The following CDK5R1 variants were observed in gnomAD, a reference collection of about 807,000 sequenced individuals.
CDK5R1 encodes the protein cyclin-dependent kinase 5 activator 1.
A neutral mutation model predicts 19.0 loss-of-function variants in CDK5R1; 1 was observed. The observed-to-expected ratio is 0.05, with a 90% confidence interval of 0.02 to 0.25. The LOEUF (loss-of-function observed/expected upper bound fraction) is 0.25. CDK5R1 is among the 10% of genes least tolerant of loss of function. The pLI is 1.00. For synonymous variants in CDK5R1, 225 were observed against 187.7 expected (o/e 1.20, Z -1.62); for missense variants, 314 against 401.0 (o/e 0.78, Z 1.85).
rs1908723600 is a variant in CDK5R1, at chr17:32,487,675, G to A, written c.55G>A (p.Asp19Asn). The A allele has an allele frequency of 6.2e-7, 1 of 1,613,790 alleles. No individual in the cohort carries two copies. The highest frequency in any genetic ancestry group is 8.5e-7 in the Non-Finnish European group (1 of 1,179,946). ...CTACCGGAAGGCCACGCTGTTTGAG[G>A]ATGGCGCGGCCACCGTGGGCCACTA... is the stretch of plus-strand genomic sequence containing the variant. ...PSYRKATLFE[D>N]GAATVGHYTA... The change falls in exon 2 of 2, where the codon GAT becomes AAT. Residue 19 changes from aspartate to asparagine, a missense_variant. Asp to Asn is a conservative substitution (Grantham distance 23). Transcript: ENST00000313401. This position sits in a 1 kb window ranked among gnomAD's most constrained non-coding sequence, Gnocchi z 7.9.
At position 32,488,163 on chromosome 17, in the gene CDK5R1, G is replaced by C; in HGVS notation, c.543G>C (p.Val181=). 1 of 1,613,776 alleles carries C rather than the reference G, an allele frequency of 6.2e-7. No homozygotes were observed. The highest frequency in any genetic ancestry group is 1.1e-5 in the South Asian group (1 of 91,084). ...PTDPVLWLRS[V]DRSLLLQGWQ... ...ACCCCGTGCTCTGGCTGCGCAGCGT[G>C]GACCGCTCGCTGCTTCTGCAGGGCT... The change falls in exon 2 of 2, where the codon GTG becomes GTC. Residue 181 remains valine (V), a synonymous_variant. Transcript: ENST00000313401.
chr17:32,487,849 A>C lies in CDK5R1; in HGVS notation c.229A>C (p.Asn77His). 1 of 1,614,106 alleles carries C rather than the reference A, an allele frequency of 6.2e-7. No individual in the cohort carries two copies. Among genetic ancestry groups the C allele is most frequent in the Non-Finnish European group, 8.5e-7 (1 of 1,180,026 alleles). ...KVQPNSSYQN[N>H]ITHLNNENLK... ...GCAGCCCAACAGCAGCTACCAGAAC[A>C]ACATCACGCACCTCAACAATGAGAA... Residue 77 changes from asparagine (N) to histidine (H), a missense_variant, in exon 2 of 2, where the codon AAC becomes CAC. Asn to His is a moderately conservative substitution (Grantham distance 68). Around this residue, in one of 3 missense-constraint regions of CDK5R1, gnomAD observed 197 missense variants for 230.2 expected, o/e 0.86. Transcript: ENST00000313401. This position sits in a 1 kb window ranked among gnomAD's most constrained non-coding sequence, Gnocchi z 7.9.
rs1278377098 is a variant in CDK5R1 at position 32,491,026 on chromosome 17, T to G, written c.*2482T>G. On this transcript the variant is annotated 3_prime_UTR_variant, in exon 2 of 2. Coordinates refer to ENST00000313401, the MANE Select transcript of CDK5R1 (RefSeq NM_003885.3). ...TTACACACGTGTGATGTATGTTGGT[T>G]TTTTAGTGCAATTTCTTCTGTAGCT... 6.0e-6 allele frequency: 1 copy of G among 167,114 alleles called. No individual in the cohort carries two copies. Among genetic ancestry groups the G allele is most frequent in the Non-Finnish European group, 1.5e-5 (1 of 68,122 alleles). 10.4% of individuals were successfully genotyped at this position (167,114 alleles called of 1,614,324 possible).
At position 32,490,271 on chromosome 17, in the gene CDK5R1, C is replaced by G. The variant is rs988009725; in HGVS notation, c.*1727C>G. 2 of 167,170 alleles carry G rather than the reference C, an allele frequency of 1.2e-5. No homozygotes were observed. The highest frequency in any genetic ancestry group is 2.9e-5 in the Non-Finnish European group (2 of 68,194). The allele number at this position is 167,170 out of a possible 1,614,324, so 10.4% of individuals were successfully genotyped here. A position where few individuals can be genotyped will look rare whatever the true frequency, so the allele number is the denominator to read the frequency against. Reference sequence around the variant, plus strand: ...GTTTCCACACAGCCTGTCTTCAGATCCTGCTGCCGCGTGCGACCAGAGGTG... The same window carrying G: ...GTTTCCACACAGCCTGTCTTCAGATGCTGCTGCCGCGTGCGACCAGAGGTG... On this transcript the variant is annotated 3_prime_UTR_variant, in exon 2 of 2. Coordinates refer to ENST00000313401, the MANE Select transcript of CDK5R1 (RefSeq NM_003885.3).
At position 32,489,180 on chromosome 17, in the gene CDK5R1, G is replaced by A. The variant is rs561461921; in HGVS notation, c.*636G>A. 2.1e-5 allele frequency: 10 copies of A among 470,918 alleles called. No homozygotes were observed. The highest frequency in any genetic ancestry group is 3.2e-4 in the Middle Eastern group (1 of 3,100). The allele number at this position is 470,918 out of a possible 1,614,324, so 29.2% of individuals were successfully genotyped here. On this transcript the variant is annotated 3_prime_UTR_variant, in exon 2 of 2. Transcript: ENST00000313401. Reference sequence around the variant, plus strand: ...TTTCTTTAGTGGAGAAATGGAACTCGCCCCCCTACCCCCTTGTCTGCTGCT... The same window carrying A: ...TTTCTTTAGTGGAGAAATGGAACTCACCCCCCTACCCCCTTGTCTGCTGCT...
chr17:32,488,010 C>G lies in CDK5R1; in HGVS notation c.390C>G (p.His130Gln). 1 of 1,613,140 alleles carries G rather than the reference C, an allele frequency of 6.2e-7. No individual in the cohort carries two copies. The highest frequency in any genetic ancestry group is 8.5e-7 in the Non-Finnish European group (1 of 1,179,792). Residue 130 changes from histidine (H) to glutamine (Q), a missense_variant, in exon 2 of 2, where the codon CAC becomes CAG. By Grantham distance (24) the His-to-Gln change is conservative. Transcript: ENST00000313401. ...GGSSSVKKAP[H>Q]PAVTSAGTPK... ...CCTCCTCAGTCAAGAAAGCCCCTCACCCTGCCGTCACCTCCGCAGGGACGC... is the reference window on the plus strand; with the variant it reads ...CCTCCTCAGTCAAGAAAGCCCCTCAGCCTGCCGTCACCTCCGCAGGGACGC...
In CDK5R1 at chr17:32,488,627, T is replaced by C. The variant is rs556578018; in HGVS notation, c.*83T>C. 1 of 1,578,734 alleles carries C rather than the reference T, an allele frequency of 6.3e-7. No individual in the cohort carries two copies. The highest frequency in any genetic ancestry group is 8.6e-7 in the Non-Finnish European group (1 of 1,163,094). On this transcript the variant is annotated 3_prime_UTR_variant, in exon 2 of 2. Transcript: ENST00000313401. The stretch of plus-strand genomic sequence containing the variant: ...AAATCAGTTTTGTGTACAGTATGTG[T>C]CTAGCAAAGCCACCAAGGGCCTCAC...
Position 32,489,689 on chromosome 17 carries a change from T to A in CDK5R1, c.*1145T>A, listed in dbSNP as rs1908803281. The A allele has an allele frequency of 5.9e-6, 1 of 168,070 alleles. No individual in the cohort carries two copies. The highest frequency in any genetic ancestry group is 1.5e-5 in the Non-Finnish European group (1 of 68,756). The allele number at this position is 168,070 out of a possible 1,614,324, so 10.4% of individuals were successfully genotyped here. A position where few individuals can be genotyped will look rare whatever the true frequency, so the allele number is the denominator to read the frequency against. ...GAAGCCTGCTGATTTCTACAACTGA[T>A]CATTTGCAGCTGCTGGTTTTGGTTT... On this transcript the variant is annotated 3_prime_UTR_variant, in exon 2 of 2. Transcript: ENST00000313401.
Position 32,487,620 on chromosome 17 carries a change from C to T in CDK5R1, c.-1C>T. On this transcript the variant is annotated 5_prime_UTR_variant, in exon 2 of 2. Transcript: ENST00000313401. This position sits in a 1 kb window ranked among gnomAD's most constrained non-coding sequence, Gnocchi z 7.9. ...GCCCCCGCCCGGCGCGCAGCAGCACCATGGGCACGGTGCTGTCCCTGTCTC... is the reference window on the plus strand; with the variant it reads ...GCCCCCGCCCGGCGCGCAGCAGCACTATGGGCACGGTGCTGTCCCTGTCTC... The T allele has an allele frequency of 6.2e-7, 1 of 1,611,776 alleles. No homozygotes were observed. The highest frequency in any genetic ancestry group is 1.1e-5 in the South Asian group (1 of 91,008).
chr17:32,488,726 T>G lies in CDK5R1; in HGVS notation c.*182T>G, dbSNP rs1908767808. The stretch of plus-strand genomic sequence containing the variant: ...CTGGGCACTTTTGAACTCACGAGCC[T>G]TGCGCAAAACCCAGAAGATGTATTC... On this transcript the variant is annotated 3_prime_UTR_variant, in exon 2 of 2. Transcript: ENST00000313401. 2 of 1,180,768 alleles carry G rather than the reference T, an allele frequency of 1.7e-6. No homozygotes were observed. Among genetic ancestry groups the G allele is most frequent in the Non-Finnish European group, 2.4e-6 (2 of 833,308 alleles). The allele number at this position is 1,180,768 out of a possible 1,614,324, so 73.1% of individuals were successfully genotyped here.
At position 32,489,036 on chromosome 17, in the gene CDK5R1, C is replaced by CG. The variant is rs1225322829; in HGVS notation, c.*496dup. The CG allele has an allele frequency of 2.5e-5, 10 of 399,388 alleles. No individual in the cohort carries two copies. Among genetic ancestry groups the CG allele is most frequent in the African/African-American group, 4.2e-5 (2 of 47,666 alleles). The allele number at this position is 399,388 out of a possible 1,614,324, so 24.7% of individuals were successfully genotyped here. On this transcript the variant is annotated 3_prime_UTR_variant, in exon 2 of 2. Coordinates refer to ENST00000313401, the MANE Select transcript of CDK5R1 (RefSeq NM_003885.3). ...GTCGTGAGGCAAGATCCCCGCCACC[C>CG]GGGGACATCTTCAATCTAGGCGAGG... is the stretch of plus-strand genomic sequence containing the variant.
Position 32,487,791 on chromosome 17 carries a change from C to G in CDK5R1, c.171C>G (p.Ala57=). 2 of 1,614,006 alleles carry G rather than the reference C, an allele frequency of 1.2e-6. No homozygotes were observed. Among genetic ancestry groups the G allele is most frequent in the South Asian group, 2.2e-5 (2 of 91,056 alleles). ...TGCTGCCTTGGAAGAGAATCGTGGC[C>G]GTGTCGGCCAAGAAGAAGAACTCCA... is the stretch of plus-strand genomic sequence containing the variant. ...ISVLPWKRIV[A]VSAKKKNSKK... is the part of the protein sequence containing the mutation. The change falls in exon 2 of 2, where the codon GCC becomes GCG. Residue 57 remains alanine (A), a synonymous_variant. Transcript: ENST00000313401. This position sits in a 1 kb window ranked among gnomAD's most constrained non-coding sequence, Gnocchi z 7.9.
rs1320334875 is a variant in CDK5R1, at chr17:32,488,241, C to T, written c.621C>T (p.Leu207=). The change falls in exon 2 of 2, where the codon CTC becomes CTT. Residue 207 remains leucine, a synonymous_variant. Coordinates refer to ENST00000313401, the MANE Select transcript of CDK5R1 (RefSeq NM_003885.3). ...TPANVVFLYM[L]CRDVISSEVG... Reference sequence around the variant, plus strand: ...CCAACGTGGTCTTCCTCTACATGCTCTGCAGGGATGTTATCTCCTCCGAGG... The same window carrying T: ...CCAACGTGGTCTTCCTCTACATGCTTTGCAGGGATGTTATCTCCTCCGAGG... 3 of 1,613,950 alleles carry T rather than the reference C, an allele frequency of 1.9e-6. No individual in the cohort carries two copies. The highest frequency in any genetic ancestry group is 3.3e-5 in the Admixed American group (2 of 60,012).
chr17:32,489,246 C>T lies in CDK5R1; in HGVS notation c.*702C>T, dbSNP rs560392464. On this transcript the variant is annotated 3_prime_UTR_variant, in exon 2 of 2. Coordinates refer to ENST00000313401, the MANE Select transcript of CDK5R1 (RefSeq NM_003885.3). The stretch of plus-strand genomic sequence containing the variant: ...GGTATTGGCCGATGAGCTGGTTTGA[C>T]TCATTAATTTCTCTCAATTTGGGTC... The T allele has an allele frequency of 2.1e-6, 1 of 471,126 alleles. No homozygotes were observed. The highest frequency in any genetic ancestry group is 1.5e-5 in the South Asian group (1 of 64,572). 29.2% of individuals were successfully genotyped at this position (471,126 alleles called of 1,614,324 possible).
rs1436386042 is a variant in CDK5R1, at chr17:32,488,137, G to A, written c.517G>A (p.Asp173Asn). 1 of 1,613,406 alleles carries A rather than the reference G, an allele frequency of 6.2e-7. No homozygotes were observed. The highest frequency in any genetic ancestry group is 1.3e-5 in the African/African-American group (1 of 74,950). ...CCGCCTGAAGCACCTGTCCCCCACGGACCCCGTGCTCTGGCTGCGCAGCGT... is the reference window on the plus strand; with the variant it reads ...CCGCCTGAAGCACCTGTCCCCCACGAACCCCGTGCTCTGGCTGCGCAGCGT... ...CYRLKHLSPT[D>N]PVLWLRSVDR... Residue 173 changes from aspartate to asparagine, a missense_variant, in exon 2 of 2, where the codon GAC (aspartate) becomes AAC (asparagine). Physicochemically the swap from Asp to Asn is conservative, Grantham distance 23. Around this residue, in one of 3 missense-constraint regions of CDK5R1, gnomAD observed 197 missense variants for 230.2 expected, o/e 0.86. Transcript: ENST00000313401.
At position 32,487,263 on chromosome 17, in the gene CDK5R1, G is replaced by C. The variant is rs1908700335; in HGVS notation, c.-146+101G>C. On this transcript the variant is annotated intron_variant, in intron 1 of 1. Coordinates refer to ENST00000313401, the MANE Select transcript of CDK5R1 (RefSeq NM_003885.3). This position sits in a 1 kb window ranked among gnomAD's most constrained non-coding sequence, Gnocchi z 7.9. ...CGGGGGTCCTCGGCCGCCTCCGTCG[G>C]CGACCGGGCCCCTCCCGGCTGCGCC... The C allele has an allele frequency of 6.8e-6, 1 of 147,570 alleles. No individual in the cohort carries two copies. Among genetic ancestry groups the C allele is most frequent in the Non-Finnish European group, 1.5e-5 (1 of 66,022 alleles). 9.1% of individuals were successfully genotyped at this position (147,570 alleles called of 1,614,324 possible).
rs183036703 is a variant in CDK5R1, at chr17:32,489,939, G to A, written c.*1395G>A. 1 of 167,084 alleles carries A rather than the reference G, an allele frequency of 6.0e-6. No individual in the cohort carries two copies. The highest frequency in any genetic ancestry group is 1.5e-5 in the Non-Finnish European group (1 of 68,156). The allele number at this position is 167,084 out of a possible 1,614,324, so 10.4% of individuals were successfully genotyped here. A position where few individuals can be genotyped will look rare whatever the true frequency, so the allele number is the denominator to read the frequency against. On this transcript the variant is annotated 3_prime_UTR_variant, in exon 2 of 2. Transcript: ENST00000313401. ...CTGGAATGGGGACCTGGGGTGGGGA[G>A]GCAGAGGGTCACTTTACATAGGATT...
At position 32,488,667 on chromosome 17, in the gene CDK5R1, C is replaced by T; in HGVS notation, c.*123C>T. 1 of 1,510,016 alleles carries T rather than the reference C, an allele frequency of 6.6e-7. No individual in the cohort carries two copies. The allele number at this position is 1,510,016 out of a possible 1,614,324, so 93.5% of individuals were successfully genotyped here. A position where few individuals can be genotyped will look rare whatever the true frequency, so the allele number is the denominator to read the frequency against. ...AAGGGCCTCACCTTTCCCACAGTCT[C>T]TCCCTGGGGTTTTTTTCATCCCTGC... On this transcript the variant is annotated 3_prime_UTR_variant, in exon 2 of 2. Transcript: ENST00000313401.
Position 32,487,061 on chromosome 17 carries a change from CCCGCCGAGCGCCCCCGAGCG to C in CDK5R1, c.-234_-215del, listed in dbSNP as rs983685905. On this transcript the variant is annotated 5_prime_UTR_variant, in exon 1 of 2. Coordinates refer to ENST00000313401, the MANE Select transcript of CDK5R1 (RefSeq NM_003885.3). The surrounding 1 kb of genome is among the most constrained non-coding windows in gnomAD (Gnocchi z 7.9). ...CCGCCGAGCGCGAGCCCAGCCGATC[CCCGCCGAGCGCCCCCGAGCG>C]CCGCCGAGCGCCGGGACCGCGGCGG... The C allele has an allele frequency of 8.7e-5, 13 of 149,596 alleles. No individual in the cohort carries two copies. The highest frequency in any genetic ancestry group is 5.5e-4 in the South Asian group (3 of 5,484). 9.3% of individuals were successfully genotyped at this position (149,596 alleles called of 1,614,324 possible). A position where few individuals can be genotyped will look rare whatever the true frequency, so the allele number is the denominator to read the frequency against.
Sources: gnomAD v4.1 joint callset for allele counts on GRCh38, gnomAD v4.1.1 for gene constraint, gnomAD v4.1.1 regional missense constraint, Gnocchi (gnomAD v3.1) non-coding constraint, MANE v1.5 for transcripts, NCBI Gene and HGNC (gene_info 2026-07-23, HGNC 2026-07-21) for gene names.